Variants in DACH2 observed in about 807,000 individuals in gnomAD.
The protein encoded by DACH2 is dachshund homolog 2.
DACH2 carries 17 observed loss-of-function variants against 35.8 expected under a neutral mutation model. That is an observed-to-expected ratio of 0.48 (90% CI 0.33 to 0.71). The LOEUF is 0.71. Ranked by LOEUF, DACH2 falls within the 30% of genes least tolerant of loss-of-function variation. The pLI is 0.02. For synonymous variants in DACH2, 195 were observed against 177.3 expected (o/e 1.10, Z -0.79); for missense variants, 469 against 472.7 (o/e 0.99, Z 0.07).
chrX:86,384,695 C>T (rs1200166122), intron 2 of DACH2, among the ~76,000 whole-genome samples: 2 of 111,423 alleles, frequency 1.8e-5, no homozygotes, highest in African/African-American at 6.5e-5. Context: ...AATGAATCAG[C>T]AATAAAATGT....
intron 1 of DACH2, among the ~76,000 whole-genome samples, chrX:86,332,987 C>T (rs1439800563): frequency 8.9e-6 from 1 of 111,873 alleles, no homozygotes; most frequent in East Asian, 2.8e-4. Context: ...TTTCACTGAT[C>T]TGTTGCTGTG....
Position 86,160,913 on chromosome X carries a change from G to A in DACH2, c.488+11805G>A. The A allele has an allele frequency of 1.5e-5, 10 of 674,757 alleles. No homozygotes were observed. The South Asian group carries it at 2.3e-4, about 15-fold the overall frequency. 55.6% of individuals were successfully genotyped at this position (674,757 alleles called of 1,213,427 possible). The stretch of plus-strand genomic sequence containing the variant: ...TTTTGTGGACATCCTGGAGAGGCAG[G>A]CGCAAGGGCTTGTCAGTTGGACCAG... On this transcript the variant is annotated intron_variant, in intron 1 of 11. Transcript: ENST00000373125.
intron 4 of DACH2, among the ~76,000 whole-genome samples, chrX:86,681,451 G>A (rs1170193198): frequency 2.8e-5 from 3 of 109,000 alleles, no homozygotes; most frequent in East Asian, 2.9e-4. Flanking sequence ...ATGGTGTTGC[G>A]CACCTGTATT....
At chrX:86,166,346 A>G (rs923307980) in intron 1 of DACH2, among the ~76,000 whole-genome samples, 1 of 110,459 alleles carries the variant, frequency 9.1e-6, no homozygotes, top group Admixed American at 9.6e-5. Flanking sequence ...AAGTTTTAGA[A>G]TTTTTTCTTT....
intron 2 of DACH2, among the ~76,000 whole-genome samples, chrX:86,450,984 G>C (rs181498934): frequency 9.0e-6 from 1 of 111,223 alleles, no homozygotes; most frequent in Non-Finnish European, 1.9e-5. Context: ...TTGTCAAGTG[G>C]ATAGATTGCA....
At chrX:86,678,638 G>T (rs2040846370) in intron 4 of DACH2, among the ~76,000 whole-genome samples, 1 of 111,161 alleles carries the variant, frequency 9.0e-6, no homozygotes, top group Non-Finnish European at 1.9e-5. Context: ...TGAGTTTCAG[G>T]AGCATATGAA....
chrX:86,266,644 G>A (rs990272889), intron 1 of DACH2, among the ~76,000 whole-genome samples: 6 of 111,236 alleles, frequency 5.4e-5, no homozygotes, highest in Non-Finnish European at 7.5e-5. Context: ...CAGACTGCCC[G>A]GTTTTGAGTA....
chrX:86,591,355 G>T (rs766212157), intron 3 of DACH2, among the ~76,000 whole-genome samples: 2 of 111,191 alleles, frequency 1.8e-5, no homozygotes, highest in South Asian at 3.8e-4. Context: ...GGATGGCTGG[G>T]TCAAATGGTA....
intron 7 of DACH2, among the ~76,000 whole-genome samples, chrX:86,746,915 A>G (rs893282571): frequency 9.0e-6 from 1 of 111,132 alleles, no homozygotes; most frequent in African/African-American, 3.3e-5. Context: ...ATTATTTTGC[A>G]TTTGAACATT....
intron 1 of DACH2, among the ~76,000 whole-genome samples, chrX:86,211,217 C>T (rs936640068): frequency 5.4e-5 from 6 of 111,629 alleles, no homozygotes; most frequent in African/African-American, 1.9e-4. Flanking sequence ...ATTTGAGATA[C>T]ATTGTTGGGG....
In DACH2 at chrX:86,376,153, G is replaced by A. The variant is rs200218444; in HGVS notation, c.489-671G>A. ...TATGTATGACTGTGTGTGTGTGTATGTGTGTGTGTGTGTGTGTGTGTGTGT... is the reference window on the plus strand; with the variant it reads ...TATGTATGACTGTGTGTGTGTGTATATGTGTGTGTGTGTGTGTGTGTGTGT... On this transcript the variant is annotated intron_variant, in intron 1 of 11. Transcript: ENST00000373125. Among the ~76,000 whole-genome samples the A allele has an allele frequency of 3.2e-4, 29 of 89,679 alleles. 1 individual carries two copies. The highest frequency in any genetic ancestry group is 1.0e-3 in the African/African-American group (26 of 25,864). 77.9% of individuals were successfully genotyped at this position (89,679 alleles called of 115,157 possible).
chrX:86,411,016 A>G (rs946818963), intron 2 of DACH2, among the ~76,000 whole-genome samples: 15 of 78,363 alleles, frequency 1.9e-4, no homozygotes, highest in African/African-American at 8.0e-4. Flanking sequence ...CAGAACTAAT[A>G]TGATTATATA....
At chrX:86,781,227 C>A (rs2042086300) in intron 7 of DACH2, among the ~76,000 whole-genome samples, 1 of 111,052 alleles carries the variant, frequency 9.0e-6, no homozygotes, top group Non-Finnish European at 1.9e-5. Context: ...CTACAGGAGC[C>A]GAGACTCTCA....
intron 2 of DACH2, among the ~76,000 whole-genome samples, chrX:86,392,051 A>AT (rs1409540889): frequency 1.8e-5 from 2 of 110,715 alleles, no homozygotes; most frequent in Admixed American, 1.9e-4. Context: ...AAGTATGCAT[A>AT]TTTTTCATTT....
chrX:86,338,922 A>C (rs958867059), intron 1 of DACH2, among the ~76,000 whole-genome samples: 2 of 112,385 alleles, frequency 1.8e-5, no homozygotes, highest in African/African-American at 6.5e-5. Context: ...CTACCATCAG[A>C]GAATACTGTA....
chrX:86,344,532 G>A (rs2035467377), intron 1 of DACH2, among the ~76,000 whole-genome samples: 1 of 110,219 alleles, frequency 9.1e-6, no homozygotes, highest in Non-Finnish European at 1.9e-5. Context: ...ATGTGTTTTA[G>A]AGAAATCATA....
chrX:86,819,659 TCA>T (rs1485592152), intron 11 of DACH2, among the ~76,000 whole-genome samples: 1 of 111,740 alleles, frequency 8.9e-6, no homozygotes, highest in Non-Finnish European at 1.9e-5. Flanking sequence ...CAGTCAAACT[TCA>T]CAGTTTTTGC....
At chrX:86,591,179 A>T (rs1028555245) in intron 3 of DACH2, among the ~76,000 whole-genome samples, 5 of 111,764 alleles carry the variant, frequency 4.5e-5, no homozygotes, top group African/African-American at 1.3e-4. Flanking sequence ...TGCATAGTAT[A>T]CCATGGTGTA....
chrX:86,170,982 T>A (rs2031107394), intron 1 of DACH2, among the ~76,000 whole-genome samples: 1 of 111,920 alleles, frequency 8.9e-6, no homozygotes, highest in African/African-American at 3.3e-5. Context: ...TTGCATTCTT[T>A]TGAATTTCTG....
Sources: gnomAD v4.1 joint callset for allele counts (sites outside exome capture counted in the v4.1 genomes callset) on GRCh38, gnomAD v4.1.1 for gene constraint, MANE v1.5 for transcripts, NCBI Gene and HGNC (gene_info 2026-07-23, HGNC 2026-07-21) for gene names.